Variants in WHRN observed in about 807,000 individuals in gnomAD.
WHRN encodes whirlin.
In WHRN, 41 loss-of-function variants were observed where a neutral mutation model predicts 68.3. The ratio of observed to expected loss-of-function variants is 0.60; its 90% CI spans 0.47 to 0.78. The LOEUF is 0.78. WHRN is among the 30% of genes least tolerant of loss of function. The pLI, the probability that WHRN is intolerant of heterozygous loss-of-function variation, is 0.00. For synonymous variants in WHRN, 560 were observed against 561.3 expected (o/e 1.00, Z 0.03); for missense variants, 1,243 against 1,244.7 (o/e 1.00, Z 0.02).
At chr9:114,473,186 G>A (rs1030697849) in intron 2 of WHRN, among the ~76,000 whole-genome samples, 2 of 152,250 alleles carry the variant, frequency 1.3e-5, no homozygotes, top group Non-Finnish European at 2.9e-5. Context: ...ATAAGACTTA[G>A]GAAGTTCTCA....
intron 1 of WHRN, among the ~76,000 whole-genome samples, chr9:114,489,488 A>G (rs1425580707): frequency 7.9e-6 from 1 of 127,206 alleles, no homozygotes; most frequent in Non-Finnish European, 1.7e-5. Flanking sequence ...ACGCACACAC[A>G]CGTACACACA....
At position 114,424,769 on chromosome 9, in the gene WHRN, G is replaced by C. The variant is rs1353543892; in HGVS notation, c.1203+219C>G. ...TGAGTAAAACCCGCATGAGGGCAGG[G>C]ACCTGGTCTGCTCTGTTCATTGCCA... is the stretch of plus-strand genomic sequence containing the variant. On this transcript the variant is annotated intron_variant, in intron 5 of 11. Coordinates refer to ENST00000362057, the MANE Select transcript of WHRN (RefSeq NM_015404.4). Among the ~76,000 whole-genome samples, 44 of 152,222 alleles carry C rather than the reference G, an allele frequency of 2.9e-4. 1 individual carries two copies.
chr9:114,411,856 C>A (rs1340617405), intron 7 of WHRN, among the ~76,000 whole-genome samples: 1 of 152,170 alleles, frequency 6.6e-6, no homozygotes, highest in Non-Finnish European at 1.5e-5. Context: ...GTCTGGGTCA[C>A]CCCAACGCCC....
intron 9 of WHRN, among the ~76,000 whole-genome samples, chr9:114,405,007 G>C (rs1478285940): frequency 2.0e-5 from 3 of 151,716 alleles, no homozygotes; most frequent in Non-Finnish European, 4.4e-5. Flanking sequence ...GTTCAGACCA[G>C]GTGTGGTGGA....
rs561112535 is a variant in WHRN at position 114,474,025 on chromosome 9, CT to C, written c.837+4527del. On this transcript the variant is annotated intron_variant, in intron 2 of 11. Transcript: ENST00000362057. ...TCCCATCCTGATGCAGCCTCCTCCC[CT>C]GGGTCTTCCTTCCTTCTCTCCTGCC... Among the ~76,000 whole-genome samples, 4 of 152,320 alleles carry C rather than the reference CT, an allele frequency of 2.6e-5. No individual in the cohort carries two copies. In the South Asian group the frequency reaches 8.3e-4, roughly 32 times the overall value.
chr9:114,426,396 T>C lies in WHRN; in HGVS notation c.981A>G (p.Leu327=). 1 of 1,613,430 alleles carries C rather than the reference T, an allele frequency of 6.2e-7. No individual in the cohort carries two copies. ...TGAGAAAGCTCCGCCCATTCACTTC[T>C]AGAATCTGGTCCCCAACCTGCCAAG... ...GSGLKVGDQI[L]EVNGRSFLNI... The change falls in exon 4 of 12, where the codon CTA becomes CTG. Residue 327 remains leucine, a synonymous_variant. Coordinates refer to ENST00000362057, the MANE Select transcript of WHRN (RefSeq NM_015404.4).
chr9:114,438,704 G>T (rs1286510790), intron 3 of WHRN, among the ~76,000 whole-genome samples: 1 of 152,060 alleles, frequency 6.6e-6, no homozygotes, highest in African/African-American at 2.4e-5. Context: ...GCCCGCCTTG[G>T]CCTCCCAAAG....
At chr9:114,457,915 A>C (rs1156967531) in intron 3 of WHRN, among the ~76,000 whole-genome samples, 2 of 9,770 alleles carry the variant, frequency 2.0e-4, no homozygotes, top group Non-Finnish European at 2.5e-4. Flanking sequence ...GACTCTGTTC[A>C]AAAAAAAAAA....
At position 114,499,160 on chromosome 9, in the gene WHRN, T is replaced by C. The variant is rs1461902821; in HGVS notation, c.618+5024A>G. Among the ~76,000 whole-genome samples the C allele has an allele frequency of 3.3e-5, 5 of 152,080 alleles. No individual in the cohort carries two copies. In the East Asian group the frequency reaches 9.7e-4, roughly 29 times the overall value. The stretch of plus-strand genomic sequence containing the variant: ...AAAAAATAAATAACCACAAGTGCAC[T>C]TGCCCCATGATGCTGCTTCCTGCAG... On this transcript the variant is annotated intron_variant, in intron 1 of 11. Coordinates refer to ENST00000362057, the MANE Select transcript of WHRN (RefSeq NM_015404.4).
intron 1 of WHRN, among the ~76,000 whole-genome samples, chr9:114,495,269 T>C (rs999865812): frequency 1.3e-5 from 2 of 152,000 alleles, no homozygotes; most frequent in African/African-American, 4.8e-5. Context: ...ATTTAGAGAG[T>C]GTACCCGGTC....
chr9:114,441,353 G>A lies in WHRN; in HGVS notation c.964-14940C>T, dbSNP rs138086795. On this transcript the variant is annotated intron_variant, in intron 3 of 11. Coordinates refer to ENST00000362057, the MANE Select transcript of WHRN (RefSeq NM_015404.4). ...TGCATTGTTTAAGGGGTGACTGTAT[G>A]TACAAATGCAGGCATGTATATTTCC... 2.1e-4 allele frequency among the ~76,000 whole-genome samples: 32 copies of A among 152,302 alleles called. No homozygotes were observed. In the East Asian group the frequency reaches 5.6e-3, roughly 27 times the overall value.
rs1842421698 is a variant in WHRN at position 114,485,667 on chromosome 9, G to T, written c.619-6896C>A. Among the ~76,000 whole-genome samples the T allele has an allele frequency of 2.0e-5, 3 of 151,594 alleles. No homozygotes were observed. In the South Asian group the frequency reaches 6.3e-4, roughly 32 times the overall value. ...AGATTGCACCACTGCACTACAGCCTGAGCTACAGAGCGAGACTCCGTCTCT... is the reference window on the plus strand; with the variant it reads ...AGATTGCACCACTGCACTACAGCCTTAGCTACAGAGCGAGACTCCGTCTCT... On this transcript the variant is annotated intron_variant, in intron 1 of 11. Transcript: ENST00000362057.
rs368299838 is a variant in WHRN at position 114,406,593 on chromosome 9, G to A, written c.1998C>T (p.Asp666=). ...GTTGGTTGACCAGGGCCAGATGGGC[G>A]TCCAGCGGCCTCTTGGAGCTGGGGT... is the stretch of plus-strand genomic sequence containing the variant. The part of the protein sequence containing the change: ...PANPSSKRPL[D]AHLALVNQHP... The change falls in exon 9 of 12, where the codon GAC becomes GAT. Residue 666 remains aspartate, a synonymous_variant. Coordinates refer to ENST00000362057, the MANE Select transcript of WHRN (RefSeq NM_015404.4). 42 of 1,610,626 alleles carry A rather than the reference G, an allele frequency of 2.6e-5. No individual in the cohort carries two copies. Among genetic ancestry groups the A allele is most frequent in the Non-Finnish European group, 3.1e-5 (36 of 1,177,600 alleles).
intron 3 of WHRN, among the ~76,000 whole-genome samples, chr9:114,436,895 T>C (rs1837907203): frequency 6.6e-6 from 1 of 151,698 alleles, no homozygotes; most frequent in Admixed American, 6.6e-5. Context: ...TATTTAAATA[T>C]AATGAAAAAT....
Position 114,406,410 on chromosome 9 carries a change from G to C in WHRN, c.2181C>G (p.His727Gln). The change falls in exon 9 of 12, where the codon CAC becomes CAG. Residue 727 changes from histidine to glutamine, a missense_variant. Physicochemically the swap from His to Gln is conservative, Grantham distance 24. Transcript: ENST00000362057. ...TNQHFVMVEV[H>Q]RPDSEPDVNE... ...TGACGTCTGGCTCGCTGTCGGGGCG[G>C]TGGACCTCCACCATGACAAAGTGCT... is the stretch of plus-strand genomic sequence containing the variant. 1 of 1,614,172 alleles carries C rather than the reference G, an allele frequency of 6.2e-7. No homozygotes were observed. Among genetic ancestry groups the C allele is most frequent in the Non-Finnish European group, 8.5e-7 (1 of 1,180,048 alleles).
chr9:114,489,494 A>ACG (rs1554740852), intron 1 of WHRN, among the ~76,000 whole-genome samples: 1 of 117,874 alleles, frequency 8.5e-6, no homozygotes, highest in East Asian at 2.2e-4. Context: ...ACACACGTAC[A>ACG]CACACACACG....
intron 7 of WHRN, among the ~76,000 whole-genome samples, chr9:114,412,150 T>C (rs1473000440): frequency 1.3e-5 from 2 of 152,174 alleles, no homozygotes; most frequent in African/African-American, 4.8e-5. Flanking sequence ...AGCCCAGCCC[T>C]GCCAGACTCC....
Position 114,426,504 on chromosome 9 carries a change from G to A in WHRN, c.964-91C>T, listed in dbSNP as rs1836874827. 70 of 1,477,868 alleles carry A rather than the reference G, an allele frequency of 4.7e-5. No homozygotes were observed. In the South Asian group the frequency reaches 8.0e-4, roughly 17 times the overall value. The allele number at this position is 1,477,868 out of a possible 1,614,324, so 91.5% of individuals were successfully genotyped here. A position where few individuals can be genotyped will look rare whatever the true frequency, so the allele number is the denominator to read the frequency against. On this transcript the variant is annotated intron_variant, in intron 3 of 11. Coordinates refer to ENST00000362057, the MANE Select transcript of WHRN (RefSeq NM_015404.4). ...AGCCCAGATCCCAATTCTCCTCTGGGCCAGCCTGTCAAGGAGGTCATCCAG... is the reference window on the plus strand; with the variant it reads ...AGCCCAGATCCCAATTCTCCTCTGGACCAGCCTGTCAAGGAGGTCATCCAG...
intron 7 of WHRN, among the ~76,000 whole-genome samples, chr9:114,409,835 CCTTG>C (rs1835303376): frequency 6.6e-6 from 1 of 151,968 alleles, no homozygotes; most frequent in African/African-American, 2.4e-5. Context: ...CCCCACTCCA[CCTTG>C]CTTTATTTTT....
Sources: allele counts gnomAD v4.1 joint callset (sites outside exome capture counted in the v4.1 genomes callset), GRCh38; gene constraint gnomAD v4.1.1; transcripts MANE v1.5; gene names NCBI Gene and HGNC (gene_info 2026-07-23, HGNC 2026-07-21).